Variants in PINX1 observed in about 807,000 individuals in gnomAD.
The protein encoded by PINX1 is PIN2/TERF1-interacting telomerase inhibitor 1.
PINX1 carries 34 observed loss-of-function variants against 25.4 expected under a neutral mutation model. The observed-to-expected ratio is 1.34, with a 90% CI of 1.02 to 1.78. PINX1 has a LOEUF of 1.78. PINX1 is among the 40% of genes most tolerant of loss of function. PINX1 has a pLI of 0.00. For synonymous variants in PINX1, 197 were observed against 147.7 expected, an observed-to-expected ratio of 1.33 and a Z score of -2.42; for missense variants, 592 against 404.9, an observed-to-expected ratio of 1.46 and a Z score of -3.97.
intron 6 of PINX1, 67 bp from the exon 7 acceptor site, chr8:10,765,983 G>T: frequency 6.6e-7 from 1 of 1,509,056 alleles, no homozygotes. Context: ...GCACCCAGGA[G>T]GCACCCACAC....
intron 6 of PINX1, among the ~76,000 whole-genome samples, chr8:10,776,906 A>T (rs1053287446): frequency 3.9e-5 from 6 of 152,202 alleles, no homozygotes; most frequent in African/African-American, 1.4e-4. Flanking sequence ...TCACAGAAGG[A>T]AAATCTGGGG....
intron 6 of PINX1, among the ~76,000 whole-genome samples, chr8:10,775,390 T>G (rs1801355828): frequency 6.7e-6 from 1 of 149,084 alleles, no homozygotes; most frequent in Non-Finnish European, 1.5e-5. Context: ...GGGTAAAGGA[T>G]TAGTTCTGTC....
intron 6 of PINX1, among the ~76,000 whole-genome samples, chr8:10,811,240 T>C (rs1482078930): frequency 6.6e-6 from 1 of 152,218 alleles, no homozygotes; most frequent in Non-Finnish European, 1.5e-5. Context: ...CAAACTACTC[T>C]TGGGCTCAAA....
At chr8:10,778,193 T>A (rs1235855576) in intron 6 of PINX1, among the ~76,000 whole-genome samples, 2 of 152,132 alleles carry the variant, frequency 1.3e-5, no homozygotes, top group African/African-American at 4.8e-5. Flanking sequence ...TTAACTTAGT[T>A]ATGGACTCAG....
intron 6 of PINX1, among the ~76,000 whole-genome samples, chr8:10,791,819 G>A (rs747814141): frequency 3.9e-5 from 6 of 152,316 alleles, no homozygotes; most frequent in Non-Finnish European, 7.3e-5. Flanking sequence ...CAAAGGACTT[G>A]CATTTGGCCT....
intron 4 of PINX1, among the ~76,000 whole-genome samples, chr8:10,829,392 T>C (rs1337573504): frequency 6.6e-6 from 1 of 152,142 alleles, no homozygotes; most frequent in East Asian, 1.9e-4. Flanking sequence ...TTTATGGCTC[T>C]AGATTTGCCA....
chr8:10,825,617 C>T (rs7840785), intron 5 of PINX1, among the ~76,000 whole-genome samples: 35,694 of 152,116 alleles, frequency 0.23, 4,333 homozygotes, highest in Middle Eastern at 0.38. Context: ...AGGTCTCAAA[C>T]GGCTTTTTAC....
At chr8:10,771,695 G>A (rs1458398645) in intron 6 of PINX1, among the ~76,000 whole-genome samples, 1 of 152,194 alleles carries the variant, frequency 6.6e-6, no homozygotes, top group African/African-American at 2.4e-5. Flanking sequence ...AATGCTTTGT[G>A]TTTGTCAGTA....
intron 6 of PINX1, among the ~76,000 whole-genome samples, chr8:10,772,816 A>G (rs532686314): frequency 6.6e-6 from 1 of 152,220 alleles, no homozygotes; most frequent in Non-Finnish European, 1.5e-5. Flanking sequence ...CACATGTGAA[A>G]CAGGTGTAAG....
intron 2 of PINX1, 63 bp from the exon 3 acceptor site, chr8:10,833,047 T>C: frequency 9.7e-7 from 1 of 1,034,096 alleles, no homozygotes; most frequent in Non-Finnish European, 1.4e-6. Flanking sequence ...AGCAGAGCAC[T>C]GCTACAAAAC....
At chr8:10,784,734 C>A (rs898825410) in intron 6 of PINX1, among the ~76,000 whole-genome samples, 3 of 152,128 alleles carry the variant, frequency 2.0e-5, no homozygotes, top group Non-Finnish European at 2.9e-5. Context: ...AGAGTCAGAA[C>A]GTGAATTAAA....
At chr8:10,838,590 G>A (rs946286716) in intron 1 of PINX1, among the ~76,000 whole-genome samples, 3 of 152,232 alleles carry the variant, frequency 2.0e-5, no homozygotes, top group Admixed American at 6.5e-5. Flanking sequence ...GTCGCCAAGT[G>A]CATGCTGAAT....
intron 6 of PINX1, among the ~76,000 whole-genome samples, chr8:10,808,428 C>A (rs961069657): frequency 5.3e-5 from 8 of 152,192 alleles, no homozygotes; most frequent in African/African-American, 1.9e-4. Flanking sequence ...AATTTTTTTA[C>A]ATCTAGGTGC....
At chr8:10,837,514 T>A (rs966713258) in intron 1 of PINX1, among the ~76,000 whole-genome samples, 2 of 152,228 alleles carry the variant, frequency 1.3e-5, no homozygotes, top group Non-Finnish European at 2.9e-5. Flanking sequence ...AATCTGGGGA[T>A]GATCTTGGGG....
At chr8:10,789,270 C>A (rs1801847969) in intron 6 of PINX1, among the ~76,000 whole-genome samples, 2 of 152,218 alleles carry the variant, frequency 1.3e-5, no homozygotes, top group African/African-American at 2.4e-5. Context: ...GCTGGACGAG[C>A]ATCCTTTTTT....
At chr8:10,785,143 T>G (rs1300661649) in intron 6 of PINX1, among the ~76,000 whole-genome samples, 1 of 152,240 alleles carries the variant, frequency 6.6e-6, no homozygotes, top group East Asian at 1.9e-4. Context: ...AACAGAAATT[T>G]CTGGTTGTTA....
chr8:10,789,812 C>T (rs1316289677), intron 6 of PINX1, among the ~76,000 whole-genome samples: 1 of 152,156 alleles, frequency 6.6e-6, no homozygotes, highest in Non-Finnish European at 1.5e-5. Context: ...ACGTGCCCAG[C>T]TTTTCACTGT....
intron 6 of PINX1, among the ~76,000 whole-genome samples, chr8:10,809,817 T>C (rs1802570251): frequency 6.6e-6 from 1 of 152,260 alleles, no homozygotes; most frequent in South Asian, 2.1e-4. Context: ...TCTAATTTTA[T>C]GAATCTTCGA....
intron 6 of PINX1, among the ~76,000 whole-genome samples, chr8:10,797,536 G>A (rs997387757): frequency 1.3e-5 from 2 of 152,158 alleles, no homozygotes; most frequent in African/African-American, 4.8e-5. Context: ...CAGGGCCTAA[G>A]TCATGTAGAT....
Sources: gnomAD v4.1 joint callset for allele counts (sites outside exome capture counted in the v4.1 genomes callset) on GRCh38, gnomAD v4.1.1 for gene constraint, MANE v1.5 for transcripts, NCBI Gene and HGNC (gene_info 2026-07-23, HGNC 2026-07-21) for gene names.